Variants in TAFA2 observed in about 807,000 individuals in gnomAD.
TAFA2 encodes TAFA chemokine like family member 2, also known as chemokine-like protein TAFA-2.
In TAFA2, 7 loss-of-function variants were observed where a neutral mutation model predicts 18.8. The observed-to-expected ratio is 0.37, with a 90% confidence interval of 0.21 to 0.70. The LOEUF (loss-of-function observed/expected upper bound fraction) is 0.70. TAFA2 is among the 30% of genes least tolerant of loss of function. The pLI, the probability that TAFA2 is intolerant of heterozygous loss-of-function variation, is 0.53. For missense variants in TAFA2, 122 were observed against 158.1 expected (o/e 0.77, Z 1.23); for synonymous variants, 60 against 54.2 (o/e 1.11, Z -0.47).
chr12:61,934,294 C>A (rs1332895049), intron 1 of TAFA2, among the ~76,000 whole-genome samples: 2 of 152,158 alleles, frequency 1.3e-5, no homozygotes, highest in African/African-American at 2.4e-5. Context: ...AATACTAGCA[C>A]CCCTAGTCTG....
chr12:62,202,326 T>C (rs567752197), intron 1 of TAFA2, among the ~76,000 whole-genome samples: 2 of 152,144 alleles, frequency 1.3e-5, no homozygotes, highest in African/African-American at 4.8e-5. Flanking sequence ...AATTGTGATG[T>C]TAGATTTGAG....
chr12:61,721,577 T>C (rs781697904), intron 4 of TAFA2, among the ~76,000 whole-genome samples: 11 of 152,206 alleles, frequency 7.2e-5, no homozygotes, highest in Non-Finnish European at 4.4e-5. Context: ...TTATTAATTA[T>C]GTAATCCTCA....
intron 4 of TAFA2, among the ~76,000 whole-genome samples, chr12:61,746,776 C>T (rs577397628): frequency 1.3e-5 from 2 of 152,164 alleles, no homozygotes; most frequent in Admixed American, 6.5e-5. Context: ...GTTTTCAGTG[C>T]TCTGACCAGA....
chr12:61,955,626 A>ATATTTAT (rs1878646149), intron 1 of TAFA2, among the ~76,000 whole-genome samples: 1 of 24,154 alleles, frequency 4.1e-5, no homozygotes, highest in Non-Finnish European at 9.0e-5. Context: ...AAAAAAAAAA[A>ATATTTAT]AAAAAAATAT....
intron 1 of TAFA2, among the ~76,000 whole-genome samples, chr12:62,063,538 A>C (rs1882406825): frequency 6.6e-6 from 1 of 152,340 alleles, no homozygotes; most frequent in African/African-American, 2.4e-5. Context: ...ATGCAGCCTT[A>C]GAAAAGGCAC....
intron 1 of TAFA2, among the ~76,000 whole-genome samples, chr12:62,010,598 C>A (rs976936046): frequency 3.3e-5 from 5 of 152,204 alleles, no homozygotes; most frequent in South Asian, 2.1e-4. Flanking sequence ...AAGTGGAGAG[C>A]GTCTCTGCCT....
chr12:61,738,965 C>A (rs985640919), intron 4 of TAFA2, among the ~76,000 whole-genome samples: 6 of 151,994 alleles, frequency 3.9e-5, no homozygotes, highest in African/African-American at 1.4e-4. Context: ...ATTTTATTAG[C>A]CTATTAACAA....
At chr12:61,830,748 T>A (rs1401478320) in intron 2 of TAFA2, among the ~76,000 whole-genome samples, 1 of 152,084 alleles carries the variant, frequency 6.6e-6, no homozygotes, top group Non-Finnish European at 1.5e-5. Context: ...GAGTACTTGA[T>A]ATTGTAATAA....
Position 62,116,929 on chromosome 12 carries a change from A to G in TAFA2, c.-2+74330T>C, listed in dbSNP as rs938899755. On this transcript the variant is annotated intron_variant, in intron 1 of 4. Transcript: ENST00000416284. ...TAAGTTAAAATTAGGCTGTTGGGGT[A>G]GGACCCTAATCCACCATGACTGGTA... 3.3e-5 allele frequency among the ~76,000 whole-genome samples: 5 copies of G among 152,200 alleles called. No individual in the cohort carries two copies. In the South Asian group the frequency reaches 6.2e-4, roughly 19 times the overall value.
intron 1 of TAFA2, among the ~76,000 whole-genome samples, chr12:61,913,544 G>C (rs117970037): frequency 6.6e-6 from 1 of 152,128 alleles, no homozygotes; most frequent in Non-Finnish European, 1.5e-5. Flanking sequence ...TCAGTCTATG[G>C]GTCATGTTCC....
At chr12:61,818,587 C>CA (rs1056515913) in intron 2 of TAFA2, among the ~76,000 whole-genome samples, 9 of 151,898 alleles carry the variant, frequency 5.9e-5, no homozygotes, top group African/African-American at 2.2e-4. Context: ...AATGGAGCAC[C>CA]ACTCTGAGGC....
At chr12:62,158,534 G>C (rs1437418894) in intron 1 of TAFA2, among the ~76,000 whole-genome samples, 1 of 152,138 alleles carries the variant, frequency 6.6e-6, no homozygotes, top group African/African-American at 2.4e-5. Flanking sequence ...AGTGTAAAGT[G>C]AGTCCTCTCA....
At chr12:62,229,383 ATG>A (rs2062802254) in intron 1 of TAFA2, among the ~76,000 whole-genome samples, 1 of 152,010 alleles carries the variant, frequency 6.6e-6, no homozygotes, top group East Asian at 1.9e-4. Flanking sequence ...GTTTTGAGGT[ATG>A]TCTTTTTTAT....
chr12:62,011,143 C>A (rs1331528204), intron 1 of TAFA2, among the ~76,000 whole-genome samples: 3 of 151,736 alleles, frequency 2.0e-5, no homozygotes, highest in Admixed American at 1.3e-4. Context: ...TGCCCGGCCG[C>A]CCCGTCTGGG....
chr12:62,170,639 T>G (rs1285797683), intron 1 of TAFA2, among the ~76,000 whole-genome samples: 1 of 152,066 alleles, frequency 6.6e-6, no homozygotes, highest in Admixed American at 6.5e-5. Flanking sequence ...TTGTATCAAT[T>G]TAAGGGGTAC....
intron 1 of TAFA2, among the ~76,000 whole-genome samples, chr12:62,107,122 C>T (rs80131260): frequency 0.054 from 8,188 of 152,204 alleles, 305 homozygotes; most frequent in Non-Finnish European, 0.079. Flanking sequence ...AGAAGTTAAA[C>T]GTACAACAAA....
intron 1 of TAFA2, among the ~76,000 whole-genome samples, chr12:62,176,445 C>A (rs1457148962): frequency 6.9e-6 from 1 of 143,904 alleles, no homozygotes; most frequent in Admixed American, 6.7e-5. Flanking sequence ...CAGCAAAGAG[C>A]CCAAGAGAGG....
At chr12:62,059,139 A>ATGTGTATGTGTGTATATGTGTGTG in intron 1 of TAFA2, among the ~76,000 whole-genome samples, 1 of 136,248 alleles carries the variant, frequency 7.3e-6, no homozygotes, top group Non-Finnish European at 1.5e-5. Flanking sequence ...ATGTGTGTAT[A>ATGTGTATGTGTGTATATGTGTGTG]TGTGTGTGTG....
chr12:61,842,227 T>A (rs1873217431), intron 2 of TAFA2, among the ~76,000 whole-genome samples: 1 of 151,668 alleles, frequency 6.6e-6, no homozygotes, highest in African/African-American at 2.4e-5. Flanking sequence ...AACAAAAATA[T>A]GGTATATGGT....
Sources: allele counts gnomAD v4.1 joint callset (sites outside exome capture counted in the v4.1 genomes callset), GRCh38; gene constraint gnomAD v4.1.1; transcripts MANE v1.5; gene names NCBI Gene and HGNC (gene_info 2026-07-23, HGNC 2026-07-21).